The following OLA1 variants were observed in gnomAD, a reference collection of about 807,000 sequenced individuals.
OLA1 encodes the protein Obg like ATPase 1, also known as obg-like ATPase 1.
A neutral mutation model predicts 48.4 loss-of-function variants in OLA1; 14 were observed. That is an observed-to-expected ratio of 0.29 (90% CI 0.19 to 0.45). The LOEUF (loss-of-function observed/expected upper bound fraction) is 0.45. OLA1 is among the 20% of genes least tolerant of loss of function. The pLI, the probability that OLA1 is intolerant of heterozygous loss-of-function variation, is 1.00. For synonymous variants in OLA1, 127 were observed against 150.4 expected (o/e 0.84, Z 1.14); for missense variants, 325 against 467.1 (o/e 0.70, Z 2.80).
chr2:174,220,179 T>C (rs1028993684), intron 4 of OLA1, among the ~76,000 whole-genome samples: 15 of 152,108 alleles, frequency 9.9e-5, no homozygotes, highest in African/African-American at 3.6e-4. Flanking sequence ...GAGATGGATA[T>C]CTTTAATATG....
At chr2:174,127,586 C>G (rs1415537512) in intron 5 of OLA1, among the ~76,000 whole-genome samples, 1 of 152,030 alleles carries the variant, frequency 6.6e-6, no homozygotes, top group Non-Finnish European at 1.5e-5. Flanking sequence ...TCCTTACCAC[C>G]CTGAAACTGT....
At chr2:174,182,211 T>C (rs1417310366) in intron 4 of OLA1, among the ~76,000 whole-genome samples, 1 of 152,226 alleles carries the variant, frequency 6.6e-6, no homozygotes, top group Non-Finnish European at 1.5e-5. Context: ...ATGTATTATA[T>C]GCAATTTAAT....
intron 2 of OLA1, among the ~76,000 whole-genome samples, chr2:174,242,250 T>C (rs1689019955): frequency 6.6e-6 from 1 of 152,180 alleles, no homozygotes; most frequent in South Asian, 2.1e-4. Context: ...GGTTTCAGGA[T>C]GAAACTGCCC....
At chr2:174,118,770 T>C (rs1390034099) in intron 7 of OLA1, among the ~76,000 whole-genome samples, 2 of 152,164 alleles carry the variant, frequency 1.3e-5, no homozygotes, top group Non-Finnish European at 2.9e-5. Context: ...CTCCCAAATG[T>C]ATCACTTTCT....
chr2:174,079,819 G>C (rs956719403), intron 9 of OLA1, among the ~76,000 whole-genome samples: 1 of 151,896 alleles, frequency 6.6e-6, no homozygotes, highest in Non-Finnish European at 1.5e-5. Flanking sequence ...TCTGACACTA[G>C]AAAGCACAGT....
At chr2:174,205,673 C>A (rs1574550193) in intron 4 of OLA1, among the ~76,000 whole-genome samples, 1 of 152,168 alleles carries the variant, frequency 6.6e-6, no homozygotes, top group South Asian at 2.1e-4. Context: ...TCAGTCAAAT[C>A]CAGGACAGTC....
chr2:174,161,785 C>T (rs1687019822), intron 4 of OLA1, among the ~76,000 whole-genome samples: 1 of 151,018 alleles, frequency 6.6e-6, no homozygotes. Context: ...ACAAAGTAGT[C>T]GAAAAAATGT....
chr2:174,202,357 G>A (rs927097889), intron 4 of OLA1, among the ~76,000 whole-genome samples: 1 of 152,146 alleles, frequency 6.6e-6, no homozygotes, highest in Non-Finnish European at 1.5e-5. Context: ...TGTTGCTATT[G>A]GGATGAGCTT....
chr2:174,120,973 T>A (rs1219123253), intron 7 of OLA1, among the ~76,000 whole-genome samples: 1 of 152,160 alleles, frequency 6.6e-6, no homozygotes, highest in Non-Finnish European at 1.5e-5. Context: ...AAACAAAAAC[T>A]TTTTCTTTTG....
chr2:174,198,326 T>A (rs1359415593), intron 4 of OLA1, among the ~76,000 whole-genome samples: 1 of 152,218 alleles, frequency 6.6e-6, no homozygotes, highest in Non-Finnish European at 1.5e-5. Context: ...TAAATTAATG[T>A]CATTTACATG....
At chr2:174,099,464 TA>T (rs1231717060) in intron 7 of OLA1, among the ~76,000 whole-genome samples, 8 of 152,198 alleles carry the variant, frequency 5.3e-5, no homozygotes, top group African/African-American at 1.9e-4. Flanking sequence ...GACTTTGTTG[TA>T]TTTTCTAAAT....
chr2:174,171,905 C>T (rs1687311873), intron 4 of OLA1: 1 of 152,636 alleles, frequency 6.6e-6, no homozygotes, highest in Non-Finnish European at 1.5e-5. Flanking sequence ...CCCCCGCCCT[C>T]AGCGCTGCCA....
At chr2:174,142,392 A>G (rs1324111152) in intron 4 of OLA1, among the ~76,000 whole-genome samples, 1 of 152,138 alleles carries the variant, frequency 6.6e-6, no homozygotes, top group Admixed American at 6.6e-5. Flanking sequence ...GGGGTCTGAA[A>G]TCATCTGGCA....
At chr2:174,105,188 A>G (rs1435063882) in intron 7 of OLA1, among the ~76,000 whole-genome samples, 2 of 151,326 alleles carry the variant, frequency 1.3e-5, no homozygotes, top group African/African-American at 4.8e-5. Context: ...GTTGAAATAG[A>G]AAAAAAAAGG....
chr2:174,117,630 C>A (rs1685813816), intron 7 of OLA1, among the ~76,000 whole-genome samples: 1 of 152,138 alleles, frequency 6.6e-6, no homozygotes, highest in Non-Finnish European at 1.5e-5. Context: ...GGGGAACATG[C>A]TGCACAGGAA....
Position 174,081,221 on chromosome 2 carries a change from C to A in OLA1, c.897G>T (p.Gly299=). 6.2e-7 allele frequency: 1 copy of A among 1,611,054 alleles called. No individual in the cohort carries two copies. Among genetic ancestry groups the A allele is most frequent in the South Asian group, 1.1e-5 (1 of 90,966 alleles). Residue 299 remains glycine, a synonymous_variant, in exon 9 of 11, where the codon GGG becomes GGT. Coordinates refer to ENST00000284719, the MANE Select transcript of OLA1 (RefSeq NM_013341.5). ...AGTATTCTAGTTGGAGTGCTGCAAA[C>A]CCAGCCTTAATGATCTTTGGCAAAG... is the stretch of plus-strand genomic sequence containing the variant. The part of the protein sequence containing the change: ...QSALPKIIKA[G]FAALQLEYFF...
intron 4 of OLA1, among the ~76,000 whole-genome samples, chr2:174,181,426 G>A (rs1687533862): frequency 6.6e-6 from 1 of 152,144 alleles, no homozygotes; most frequent in African/African-American, 2.4e-5. Flanking sequence ...ATTTTTTAAA[G>A]ATGGGTGATA....
chr2:174,185,406 G>A (rs370194263), intron 4 of OLA1, among the ~76,000 whole-genome samples: 14 of 152,266 alleles, frequency 9.2e-5, no homozygotes, highest in African/African-American at 3.4e-4. Flanking sequence ...TTGACAACTA[G>A]TAATCACCAC....
At chr2:174,109,515 A>G (rs1454115218) in intron 7 of OLA1, among the ~76,000 whole-genome samples, 3 of 152,246 alleles carry the variant, frequency 2.0e-5, no homozygotes, top group Non-Finnish European at 4.4e-5. Flanking sequence ...GTATTCCAGT[A>G]ACACTTAAAA....
Sources: allele counts gnomAD v4.1 joint callset (sites outside exome capture counted in the v4.1 genomes callset), GRCh38; gene constraint gnomAD v4.1.1; transcripts MANE v1.5; gene names NCBI Gene and HGNC (gene_info 2026-07-23, HGNC 2026-07-21).